Variants in LAYN observed in about 807,000 individuals in gnomAD.
The protein encoded by LAYN is layilin.
A neutral mutation model predicts 43.6 loss-of-function variants in LAYN; 38 were observed. That is an observed-to-expected ratio of 0.87 (90% CI 0.67 to 1.14). The LOEUF is 1.14. LAYN is among the 50% of genes most tolerant of loss of function. The pLI is 0.00. For missense variants in LAYN, 479 were observed against 463.8 expected, an observed-to-expected ratio of 1.03 and a Z score of -0.30; for synonymous variants, 168 against 172.9, an observed-to-expected ratio of 0.97 and a Z score of 0.22.
intron 3 of LAYN, among the ~76,000 whole-genome samples, chr11:111,552,004 ATG>A (rs5794757): frequency 0.8 from 119,667 of 149,138 alleles, 49,837 homozygotes; most frequent in East Asian, 0.98. Context: ...ATGTATGTGT[ATG>A]TGTGTGTGTA....
At chr11:111,553,712 CTA>C (rs1491150336) in intron 3 of LAYN, among the ~76,000 whole-genome samples, 3 of 92,596 alleles carry the variant, frequency 3.2e-5, no homozygotes, top group Admixed American at 1.1e-4. Context: ...TTTACATCAC[CTA>C]TACACACACA....
intron 2 of LAYN, among the ~76,000 whole-genome samples, chr11:111,546,974 T>C (rs1226304776): frequency 6.6e-6 from 1 of 152,216 alleles, no homozygotes; most frequent in Non-Finnish European, 1.5e-5. Flanking sequence ...AGCTGCTGCA[T>C]CATATGGCCC....
At position 111,549,734 on chromosome 11, in the gene LAYN, G is replaced by T. The variant is rs760454342; in HGVS notation, c.500G>T (p.Arg167Leu). The change falls in exon 3 of 7, where the codon CGG becomes CTG. Residue 167 changes from arginine to leucine, a missense_variant. Physicochemically the swap from Arg to Leu is moderately radical, Grantham distance 102 (BLOSUM62 -2). Transcript: ENST00000375614. Reference protein sequence around the residue: ...GPYMFQWNDDRCNMKNNFICK... With the variant: ...GPYMFQWNDDLCNMKNNFICK... ...TACATGTTCCAGTGGAATGATGACC[G>T]GTGCAACATGAAGAACAATTTCATT... 3.7e-6 allele frequency: 6 copies of T among 1,605,424 alleles called. No homozygotes were observed. The highest frequency in any genetic ancestry group is 5.1e-6 in the Non-Finnish European group (6 of 1,176,968).
At chr11:111,546,099 T>C (rs977606771) in intron 2 of LAYN, among the ~76,000 whole-genome samples, 8 of 152,220 alleles carry the variant, frequency 5.3e-5, no homozygotes, top group African/African-American at 1.4e-4. Context: ...GGGTGGCTAA[T>C]AACAGGCTGG....
intron 1 of LAYN, 81 bp downstream of exon 1, chr11:111,541,009 G>A: frequency 7.6e-7 from 1 of 1,320,140 alleles, no homozygotes; most frequent in Non-Finnish European, 1.0e-6. Context: ...CTTCTGGGTC[G>A]CCACGTATGG....
In LAYN at chr11:111,542,677, G is replaced by T. The variant is rs143197260; in HGVS notation, c.86-1246G>T. Reference sequence around the variant, plus strand: ...TTTTACCCCCGGCACTGTGGCAGCAGTTCGCACCCACAGCCCACAATTTGG... The same window carrying T: ...TTTTACCCCCGGCACTGTGGCAGCATTTCGCACCCACAGCCCACAATTTGG... On this transcript the variant is annotated intron_variant, in intron 1 of 6. Transcript: ENST00000375614. Among the ~76,000 whole-genome samples, 1,154 of 152,322 alleles carry T rather than the reference G, an allele frequency of 7.6e-3. 23 individuals are homozygous for T. Among genetic ancestry groups the T allele is most frequent in the African/African-American group, 0.026 (1,071 of 41,586 alleles).
At chr11:111,540,539 G>T, upstream of LAYN, 1 of 450,826 alleles carries the variant, frequency 2.2e-6, no homozygotes, top group East Asian at 4.2e-5. Flanking sequence ...AGCTCGGAGG[G>T]GGACAGGGAG....
Position 111,544,187 on chromosome 11 carries a change from A to G in LAYN, c.350A>G (p.Tyr117Cys). 6.2e-7 allele frequency: 1 copy of G among 1,614,018 alleles called. No homozygotes were observed. The highest frequency in any genetic ancestry group is 8.5e-7 in the Non-Finnish European group (1 of 1,179,942). ...AATAGCACAGCCTGCCAGGACCTTTATGCTTGGACTGATGGCAGCATATCA... is the reference window on the plus strand; with the variant it reads ...AATAGCACAGCCTGCCAGGACCTTTGTGCTTGGACTGATGGCAGCATATCA... The part of the protein sequence containing the change: ...QSNSTACQDL[Y>C]AWTDGSISQF... The change falls in exon 2 of 7, where the codon TAT becomes TGT. Residue 117 changes from tyrosine (Y) to cysteine (C), a missense_variant. Coordinates refer to ENST00000375614, the MANE Select transcript of LAYN (RefSeq NM_178834.5).
At chr11:111,559,264 AGAT>A (rs1454367528) in intron 6 of LAYN, among the ~76,000 whole-genome samples, 1 of 152,102 alleles carries the variant, frequency 6.6e-6, no homozygotes, top group African/African-American at 2.4e-5. Flanking sequence ...TTTGAAGTAG[AGAT>A]GAGGTTAAAA....
intron 5 of LAYN, among the ~76,000 whole-genome samples, chr11:111,556,920 A>C (rs1026637963): frequency 3.3e-5 from 5 of 152,318 alleles, no homozygotes; most frequent in Admixed American, 1.3e-4. Context: ...TGCTCTTCAC[A>C]GTCATGGCTC....
chr11:111,560,650 C>T lies in LAYN; in HGVS notation c.*192C>T. ...TGTATCCTTTATCCCAGCCAGTCATCCAGCTCGACCTTATGAGAAGGTACC... is the reference window on the plus strand; with the variant it reads ...TGTATCCTTTATCCCAGCCAGTCATTCAGCTCGACCTTATGAGAAGGTACC... On this transcript the variant is annotated 3_prime_UTR_variant, in exon 7 of 7. Coordinates refer to ENST00000375614, the MANE Select transcript of LAYN (RefSeq NM_178834.5). The T allele has an allele frequency of 1.7e-6, 1 of 599,696 alleles. No individual in the cohort carries two copies. The highest frequency in any genetic ancestry group is 2.9e-6 in the Non-Finnish European group (1 of 347,522). The allele number at this position is 599,696 out of a possible 1,614,324, so 37.1% of individuals were successfully genotyped here.
intron 1 of LAYN, 85 bp downstream of exon 1, chr11:111,541,013 C>G: frequency 7.7e-7 from 1 of 1,291,850 alleles, no homozygotes; most frequent in Non-Finnish European, 1.1e-6. Flanking sequence ...TGGGTCGCCA[C>G]GTATGGGACT....
intron 2 of LAYN, among the ~76,000 whole-genome samples, chr11:111,545,375 T>C (rs1013726879): frequency 1.1e-4 from 17 of 152,200 alleles, no homozygotes; most frequent in African/African-American, 4.1e-4. Context: ...ATCCACATCC[T>C]CATATCTGAA....
chr11:111,551,424 G>A, intron 3 of LAYN: 2 of 456,258 alleles, frequency 4.4e-6, no homozygotes, highest in South Asian at 3.1e-5. Context: ...GACAGAGAAT[G>A]GATCCAACAG....
intron 2 of LAYN, among the ~76,000 whole-genome samples, chr11:111,547,580 A>G (rs1041102328): frequency 2.6e-5 from 4 of 152,232 alleles, no homozygotes; most frequent in South Asian, 4.1e-4. Context: ...GGATCTGCAT[A>G]CTAGGTACCC....
chr11:111,552,246 G>A (rs967110219), intron 3 of LAYN, among the ~76,000 whole-genome samples: 3 of 152,118 alleles, frequency 2.0e-5, no homozygotes, highest in Non-Finnish European at 2.9e-5. Flanking sequence ...AAGCCTTCCA[G>A]AGCCCCTCAA....
intron 3 of LAYN, among the ~76,000 whole-genome samples, chr11:111,552,824 T>C (rs1247668637): frequency 6.6e-6 from 1 of 152,258 alleles, no homozygotes; most frequent in Non-Finnish European, 1.5e-5. Flanking sequence ...TCCTGTAGAA[T>C]ATAAGCTTCT....
chr11:111,554,544 G>T lies in LAYN; in HGVS notation c.542-17G>T. On this transcript the variant is annotated splice_polypyrimidine_tract_variant and intron_variant, in intron 3 of 6. Transcript: ENST00000375614. ...AAACTTACTACTTATTTTTGTTTTT[G>T]TTTCTTTCTACTACAGAGAAACCAG... 6.2e-7 allele frequency: 1 copy of T among 1,606,070 alleles called. No individual in the cohort carries two copies. Among genetic ancestry groups the T allele is most frequent in the Admixed American group, 1.7e-5 (1 of 59,718 alleles).
Position 111,540,864 on chromosome 11 carries a change from A to G in LAYN, c.21A>G (p.Leu7=), listed in dbSNP as rs750458965. 3 of 1,531,658 alleles carry G rather than the reference A, an allele frequency of 2.0e-6. No homozygotes were observed. Among genetic ancestry groups the G allele is most frequent in the South Asian group, 1.2e-5 (1 of 83,726 alleles). The allele number at this position is 1,531,658 out of a possible 1,614,324, so 94.9% of individuals were successfully genotyped here. The change falls in exon 1 of 7, where the codon CTA becomes CTG. Residue 7 remains leucine, a synonymous_variant. Transcript: ENST00000375614. ...GGGCCATGAGGCCGGGAACCGCGCTACAGGCCGTGCTGCTGGCCGTGCTGC... is the reference window on the plus strand; with the variant it reads ...GGGCCATGAGGCCGGGAACCGCGCTGCAGGCCGTGCTGCTGGCCGTGCTGC... The part of the protein sequence containing the change: MRPGTA[L]QAVLLAVLLV...
Sources: gnomAD v4.1 joint callset for allele counts (sites outside exome capture counted in the v4.1 genomes callset) on GRCh38, gnomAD v4.1.1 for gene constraint, MANE v1.5 for transcripts, NCBI Gene and HGNC (gene_info 2026-07-23, HGNC 2026-07-21) for gene names.